The following MAX variants were observed in gnomAD, a reference collection of about 807,000 sequenced individuals.
The protein encoded by MAX is protein max.
A neutral mutation model predicts 22.3 loss-of-function variants in MAX; 3 were observed. The observed-to-expected ratio is 0.13, with a 90% CI of 0.06 to 0.35. MAX has a LOEUF of 0.35. Among genes scored for constraint, MAX ranks in the 10% least tolerant of loss-of-function variants. MAX has a pLI of 1.00. For missense variants in MAX, 119 were observed against 209.4 expected, an observed-to-expected ratio of 0.57 and a Z score of 2.66; for synonymous variants, 72 against 77.7, an observed-to-expected ratio of 0.93 and a Z score of 0.39.
Position 65,028,789 on chromosome 14 carries a change from C to A in MAX, c.172-22505G>T, listed in dbSNP as rs980048207. Reference sequence around the variant, plus strand: ...TGAGGTAAATCAGTATGTGTTGATTCTTCTTAAGGAAAATGTTAAAAGAGT... The same window carrying A: ...TGAGGTAAATCAGTATGTGTTGATTATTCTTAAGGAAAATGTTAAAAGAGT... On this transcript the variant is annotated intron_variant, in intron 3 of 3. Coordinates refer to the MAX transcript ENST00000341653. This position sits in a 1 kb window ranked among gnomAD's most constrained non-coding sequence, Gnocchi z 4.4. 5.3e-5 allele frequency among the ~76,000 whole-genome samples: 8 copies of A among 152,174 alleles called. No homozygotes were observed. Among genetic ancestry groups the A allele is most frequent in the Non-Finnish European group, 7.3e-5 (5 of 68,032 alleles).
intron 3 of MAX, among the ~76,000 whole-genome samples, chr14:65,048,500 C>G (rs924186475): frequency 3.3e-5 from 5 of 152,284 alleles, no homozygotes; most frequent in African/African-American, 1.2e-4. Context: ...TGGCTCCATG[C>G]CATTGACTAC....
At position 65,014,437 on chromosome 14, in the gene MAX, A is replaced by G. The variant is rs935408583; in HGVS notation, c.172-8153T>C. On this transcript the variant is annotated intron_variant, in intron 3 of 3. Coordinates refer to the MAX transcript ENST00000341653. The surrounding 1 kb of genome is among the most constrained non-coding windows in gnomAD (Gnocchi z 5.1). ...ATATGTACACGTGTTGGTTCCAGAA[A>G]GACATGAGGTAACTTATATGTCTGT... Among the ~76,000 whole-genome samples, 3 of 152,194 alleles carry G rather than the reference A, an allele frequency of 2.0e-5. No individual in the cohort carries two copies. The highest frequency in any genetic ancestry group is 1.3e-4 in the Admixed American group (2 of 15,274).
At chr14:65,008,662 G>A (rs1175100790) in intron 3 of MAX, among the ~76,000 whole-genome samples, 1 of 152,212 alleles carries the variant, frequency 6.6e-6, no homozygotes, top group Admixed American at 6.5e-5. Flanking sequence ...CCAGGCAGAG[G>A]GAACAGCATG....
At chr14:65,099,787 A>C (rs953184391) in intron 2 of MAX, among the ~76,000 whole-genome samples, 1 of 152,258 alleles carries the variant, frequency 6.6e-6, no homozygotes, top group African/African-American at 2.4e-5. Context: ...AAATATATGC[A>C]TAAGTATATG....
intron 3 of MAX, among the ~76,000 whole-genome samples, chr14:65,035,820 C>G (rs1318345578): frequency 6.6e-6 from 1 of 151,790 alleles, no homozygotes; most frequent in African/African-American, 2.4e-5. Context: ...AGGCATGAGC[C>G]ACTGCGCCCA....
rs2062020991 is a variant in MAX, at chr14:65,028,343, C to G, written c.172-22059G>C. Among the ~76,000 whole-genome samples the G allele has an allele frequency of 6.6e-6, 1 of 152,198 alleles. No homozygotes were observed. The highest frequency in any genetic ancestry group is 1.9e-4 in the East Asian group (1 of 5,204). On this transcript the variant is annotated intron_variant, in intron 3 of 3. Coordinates refer to the MAX transcript ENST00000341653. This position sits in a 1 kb window ranked among gnomAD's most constrained non-coding sequence, Gnocchi z 4.4. ...TTTCTTCCATAAGTGTCTGATGTACCAAGCAAGTTGCTTCCTCACCTGGCA... is the reference window on the plus strand; with the variant it reads ...TTTCTTCCATAAGTGTCTGATGTACGAAGCAAGTTGCTTCCTCACCTGGCA...
Position 65,078,716 on chromosome 14 carries a change from G to C in MAX, c.172-680C>G, listed in dbSNP as rs2063129174. On this transcript the variant is annotated intron_variant, in intron 3 of 4. Coordinates refer to ENST00000358664, the MANE Select transcript of MAX (RefSeq NM_002382.5). This position sits in a 1 kb window ranked among gnomAD's most constrained non-coding sequence, Gnocchi z 6.4. ...GGCTAATTTTTACATTTTTAATAAA[G>C]ATGGGGTTTCACCATGTTGGCCAGA... 6.6e-6 allele frequency among the ~76,000 whole-genome samples: 1 copy of C among 151,670 alleles called. No individual in the cohort carries two copies. Among genetic ancestry groups the C allele is most frequent in the Admixed American group, 6.6e-5 (1 of 15,228 alleles).
At position 65,012,280 on chromosome 14, in the gene MAX, C is replaced by G; in HGVS notation, c.172-5996G>C. 6.2e-7 allele frequency: 1 copy of G among 1,613,142 alleles called. No individual in the cohort carries two copies. The highest frequency in any genetic ancestry group is 8.5e-7 in the Non-Finnish European group (1 of 1,179,308). ...TACGTGTGTATGGTGGAAGCATAAG[C>G]TATTAGAATGGGCTTATAAACTGTT... On this transcript the variant is annotated intron_variant, in intron 3 of 3. Transcript: ENST00000341653. The surrounding 1 kb of genome is among the most constrained non-coding windows in gnomAD (Gnocchi z 5.0).
chr14:65,045,789 G>A (rs541175789), intron 3 of MAX, among the ~76,000 whole-genome samples: 1 of 152,264 alleles, frequency 6.6e-6, no homozygotes, highest in Non-Finnish European at 1.5e-5. Flanking sequence ...CTGAATTAAA[G>A]TAAGCAGAGC....
intron 3 of MAX, among the ~76,000 whole-genome samples, chr14:65,025,184 G>T (rs762442009): frequency 2.6e-5 from 4 of 152,164 alleles, no homozygotes; most frequent in Non-Finnish European, 5.9e-5. Context: ...TTGGCATGGA[G>T]GGATGGTATC....
chr14:65,015,299 C>T (rs559836856), intron 3 of MAX, among the ~76,000 whole-genome samples: 37 of 151,686 alleles, frequency 2.4e-4, no homozygotes, highest in African/African-American at 6.3e-4. Flanking sequence ...GACAGGGTTT[C>T]GCCATGTTGG....
chr14:65,044,292 C>G lies in MAX; in HGVS notation c.172-38008G>C. On this transcript the variant is annotated intron_variant, in intron 3 of 3. Transcript: ENST00000341653. This position sits in a 1 kb window ranked among gnomAD's most constrained non-coding sequence, Gnocchi z 5.5. ...TCTCTTTTAGCCTACAACTGCCTTT[C>G]CCATCTGTGTCTCCTCAGCAATGGG... 1 of 1,611,940 alleles carries G rather than the reference C, an allele frequency of 6.2e-7. No homozygotes were observed.
chr14:65,059,777 T>A (rs940161312), intron 3 of MAX, among the ~76,000 whole-genome samples: 6 of 152,010 alleles, frequency 3.9e-5, no homozygotes, highest in Non-Finnish European at 8.8e-5. Flanking sequence ...TTAAATTTTG[T>A]TTATATATTT....
At position 65,028,825 on chromosome 14, in the gene MAX, C is replaced by G. The variant is rs1002982719; in HGVS notation, c.172-22541G>C. 3.3e-5 allele frequency among the ~76,000 whole-genome samples: 5 copies of G among 152,122 alleles called. No homozygotes were observed. The highest frequency in any genetic ancestry group is 1.2e-4 in the African/African-American group (5 of 41,430). On this transcript the variant is annotated intron_variant, in intron 3 of 3. Transcript: ENST00000341653. The surrounding 1 kb of genome is among the most constrained non-coding windows in gnomAD (Gnocchi z 4.4). ...AAATGTTAAAAGAGTTTTTTTCCCT[C>G]GTGTTCACTACATTTTCGTTCCTGT...
Position 65,088,916 on chromosome 14 carries a change from C to T in MAX, c.171+4792G>A, listed in dbSNP as rs887104776. On this transcript the variant is annotated intron_variant, in intron 3 of 4. Coordinates refer to ENST00000358664, the MANE Select transcript of MAX (RefSeq NM_002382.5). The surrounding 1 kb of genome is among the most constrained non-coding windows in gnomAD (Gnocchi z 5.2). ...AATCATGTTCCCTGCCATAAGGGAA[C>T]TATTATATTTGGTTTCAACATCTAC... 6.6e-6 allele frequency among the ~76,000 whole-genome samples: 1 copy of T among 151,504 alleles called. No individual in the cohort carries two copies. Among genetic ancestry groups the T allele is most frequent in the Non-Finnish European group, 1.5e-5 (1 of 67,552 alleles).
rs761314869 is a variant in MAX, at chr14:65,032,393, C to T, written c.172-26109G>A. ...TGTGGAGGTAGGGAGAATAGAATGT[C>T]ATGTTCTTTCACTGAAGCCATGCCG... On this transcript the variant is annotated intron_variant, in intron 3 of 3. Transcript: ENST00000341653. The surrounding 1 kb of genome is among the most constrained non-coding windows in gnomAD (Gnocchi z 5.0). 1 of 459,032 alleles carries T rather than the reference C, an allele frequency of 2.2e-6. No individual in the cohort carries two copies. The highest frequency in any genetic ancestry group is 3.9e-6 in the Non-Finnish European group (1 of 258,928). 28.4% of individuals were successfully genotyped at this position (459,032 alleles called of 1,614,324 possible).
intron 3 of MAX, among the ~76,000 whole-genome samples, chr14:65,019,730 A>G (rs779077093): frequency 1.6e-4 from 25 of 152,194 alleles, no homozygotes; most frequent in Non-Finnish European, 2.6e-4. Flanking sequence ...AGACTTCCCA[A>G]TAATGTATTT....
Position 65,077,345 on chromosome 14 carries a change from T to A in MAX, c.295+568A>T. 6.2e-7 allele frequency: 1 copy of A among 1,609,824 alleles called. No individual in the cohort carries two copies. Among genetic ancestry groups the A allele is most frequent in the Non-Finnish European group, 8.5e-7 (1 of 1,176,018 alleles). On this transcript the variant is annotated intron_variant, in intron 4 of 4. Transcript: ENST00000358664. This position sits in a 1 kb window ranked among gnomAD's most constrained non-coding sequence, Gnocchi z 6.3. ...TTTCTAACCCAGGTGGTTACTTGCA[T>A]TTCCTTTTACTTGCATCTTCCATGA...
chr14:65,073,238 C>A (rs2063008312), downstream of MAX, among the ~76,000 whole-genome samples: 1 of 152,176 alleles, frequency 6.6e-6, no homozygotes, highest in Admixed American at 6.5e-5. Context: ...TGAACCCAGC[C>A]AGTCTGCTTT....
Sources: gnomAD v4.1 joint callset for allele counts (sites outside exome capture counted in the v4.1 genomes callset) on GRCh38, gnomAD v4.1.1 for gene constraint, Gnocchi (gnomAD v3.1) non-coding constraint, MANE v1.5 for transcripts, NCBI Gene and HGNC (gene_info 2026-07-23, HGNC 2026-07-21) for gene names.